The following ARHGAP8 variants were observed in gnomAD, a reference collection of about 807,000 sequenced individuals.
ARHGAP8 encodes the protein rho GTPase-activating protein 8.
In ARHGAP8, 62 loss-of-function variants were observed where a neutral mutation model predicts 46.1. The observed-to-expected ratio is 1.34, with a 90% CI of 1.10 to 1.66. The LOEUF is 1.66. Among genes scored for constraint, ARHGAP8 ranks in the 40% most tolerant of loss-of-function variants. The pLI, the probability that ARHGAP8 is intolerant of heterozygous loss-of-function variation, is 0.00. For synonymous variants in ARHGAP8, 375 were observed against 243.1 expected (o/e 1.54, Z -5.05); for missense variants, 923 against 568.4 (o/e 1.62, Z -6.34).
Position 44,862,349 on chromosome 22 carries a change from G to A in ARHGAP8, c.1056G>A (p.Trp352Ter). The change falls in exon 12 of 12, where the codon TGG becomes TGA. Residue 352 changes from tryptophan to a stop codon, truncating the protein, a stop_gained. Transcript: ENST00000356099. LOFTEE classifies it low-confidence loss of function (END_TRUNC). ...GTGTCTTCGGGCTGAATTTGATCTG[G>A]CCATCCCAGGGGGTCTCCTCCCTGA... is the stretch of plus-strand genomic sequence containing the variant. ...LACVFGLNLI[W>*]PSQGVSSLSA... 5.0e-6 allele frequency: 8 copies of A among 1,614,048 alleles called. No homozygotes were observed. The highest frequency in any genetic ancestry group is 5.9e-6 in the Non-Finnish European group (7 of 1,179,942).
intron 2 of ARHGAP8, among the ~76,000 whole-genome samples, chr22:44,798,557 G>A (rs141679277): frequency 9.9e-5 from 15 of 151,648 alleles, no homozygotes; most frequent in African/African-American, 3.6e-4. Context: ...GTAGGGCTGG[G>A]GTACTCTTCC....
In ARHGAP8 at chr22:44,848,984, C is replaced by A; in HGVS notation, c.801C>A (p.Ile267=). Residue 267 remains isoleucine, a synonymous_variant, in exon 10 of 12, where the codon ATC becomes ATA. Transcript: ENST00000356099. ...DYGDIHIPAV[I]LKTFLRELPQ... is the part of the protein sequence containing the mutation. ...GGGACATTCACATCCCTGCCGTGAT[C>A]CTGAAGACCTTCCTGCGAGAGCTGC... 2 of 1,614,146 alleles carry A rather than the reference C, an allele frequency of 1.2e-6. No homozygotes were observed. Among genetic ancestry groups the A allele is most frequent in the Non-Finnish European group, 1.7e-6 (2 of 1,180,038 alleles).
At chr22:44,809,558 T>C (rs769871652) in intron 4 of ARHGAP8, 5 of 226,508 alleles carry the variant, frequency 2.2e-5, no homozygotes, top group Admixed American at 1.1e-4. Context: ...AGCAAGTGAC[T>C]TACCCGTGGT....
At chr22:44,804,353 A>G (rs902925696) in intron 3 of ARHGAP8, among the ~76,000 whole-genome samples, 1 of 151,766 alleles carries the variant, frequency 6.6e-6, no homozygotes, top group Non-Finnish European at 1.5e-5. Context: ...TAGCGAGAGC[A>G]GCACCTCTGC....
chr22:44,833,473 T>C (rs1043954855), intron 7 of ARHGAP8, among the ~76,000 whole-genome samples: 1 of 152,222 alleles, frequency 6.6e-6, no homozygotes, highest in Non-Finnish European at 1.5e-5. Context: ...ATTATATTGA[T>C]TGATTTTTAC....
intron 2 of ARHGAP8, among the ~76,000 whole-genome samples, chr22:44,793,349 A>G (rs943248776): frequency 6.6e-6 from 1 of 152,082 alleles, no homozygotes; most frequent in Non-Finnish European, 1.5e-5. Flanking sequence ...GGTGAGTGGC[A>G]GGGGAGAGGG....
rs530857052 is a variant in ARHGAP8 at position 44,857,916 on chromosome 22, C to T, written c.878-1815C>T. Among the ~76,000 whole-genome samples the T allele has an allele frequency of 5.7e-5, 6 of 104,618 alleles. 1 individual carries two copies. In the East Asian group the frequency reaches 9.8e-4, roughly 17 times the overall value. The allele number at this position is 104,618 out of a possible 152,430, so 68.6% of individuals were successfully genotyped here. Reference sequence around the variant, plus strand: ...ACGCTCAGCTCACCAGTCCTGCCTACTTGCCAGCAGGTATTCTCAGAGGGA... The same window carrying T: ...ACGCTCAGCTCACCAGTCCTGCCTATTTGCCAGCAGGTATTCTCAGAGGGA... On this transcript the variant is annotated intron_variant, in intron 10 of 11. Coordinates refer to ENST00000356099, the MANE Select transcript of ARHGAP8 (RefSeq NM_181335.3).
At chr22:44,858,552 A>AT (rs1569184888) in intron 10 of ARHGAP8, among the ~76,000 whole-genome samples, 1 of 103,196 alleles carries the variant, frequency 9.7e-6, no homozygotes, top group Non-Finnish European at 2.0e-5. Flanking sequence ...TTTTTTTTTT[A>AT]AGTAACAGGG....
intron 6 of ARHGAP8, among the ~76,000 whole-genome samples, chr22:44,824,740 C>T (rs991186277): frequency 6.6e-6 from 1 of 150,878 alleles, no homozygotes; most frequent in South Asian, 2.1e-4. Context: ...TCAAGTGATT[C>T]TCCTACCTCA....
chr22:44,825,686 T>C, intron 7 of ARHGAP8, 93 bp downstream of exon 7: 1 of 1,409,582 alleles, frequency 7.1e-7, no homozygotes, highest in Non-Finnish European at 9.6e-7. Context: ...CCCAGACGTT[T>C]GTCTCCAGCA....
chr22:44,796,972 G>T (rs5765024), intron 2 of ARHGAP8, among the ~76,000 whole-genome samples: 1 of 152,178 alleles, frequency 6.6e-6, no homozygotes, highest in Non-Finnish European at 1.5e-5. Context: ...TAGATGATGG[G>T]TGTGGCTGCC....
chr22:44,839,857 G>A (rs899748454), intron 7 of ARHGAP8, among the ~76,000 whole-genome samples: 2 of 152,230 alleles, frequency 1.3e-5, no homozygotes, highest in African/African-American at 4.8e-5. Flanking sequence ...GGTGTTTGTG[G>A]AATTTGAGCA....
rs1929690793 is a variant in ARHGAP8, at chr22:44,815,716, C to A, written c.386+958C>A. On this transcript the variant is annotated intron_variant, in intron 5 of 11. Coordinates refer to ENST00000356099, the MANE Select transcript of ARHGAP8 (RefSeq NM_181335.3). ...TGTTCCTGCTAAAGGATTTCTGCCT[C>A]AGTATTGGGAAGCAAGAGCTCAAGG... 2.0e-5 allele frequency among the ~76,000 whole-genome samples: 3 copies of A among 152,154 alleles called. No individual in the cohort carries two copies. In the South Asian group the frequency reaches 6.2e-4, roughly 31 times the overall value.
chr22:44,862,753 T>G lies in ARHGAP8; in HGVS notation c.*158T>G. On this transcript the variant is annotated 3_prime_UTR_variant, in exon 12 of 12. Transcript: ENST00000356099. ...CCTCTGGTCCTTGGACTCTTGTCCATGGTTCCTGAGCTGTGGACCGGGATA... is the reference window on the plus strand; with the variant it reads ...CCTCTGGTCCTTGGACTCTTGTCCAGGGTTCCTGAGCTGTGGACCGGGATA... The G allele has an allele frequency of 2.2e-6, 2 of 900,062 alleles. No individual in the cohort carries two copies. Among genetic ancestry groups the G allele is most frequent in the Non-Finnish European group, 3.2e-6 (2 of 625,078 alleles). The allele number at this position is 900,062 out of a possible 1,614,324, so 55.8% of individuals were successfully genotyped here. A position where few individuals can be genotyped will look rare whatever the true frequency, so the allele number is the denominator to read the frequency against.
intron 7 of ARHGAP8, among the ~76,000 whole-genome samples, chr22:44,827,098 C>T (rs970194348): frequency 1.1e-4 from 16 of 152,040 alleles, no homozygotes; most frequent in Admixed American, 7.9e-4. Context: ...CCAAAGCAAT[C>T]GCCAGCGTCT....
chr22:44,813,206 A>T (rs1035027845), intron 4 of ARHGAP8, among the ~76,000 whole-genome samples: 9 of 151,964 alleles, frequency 5.9e-5, no homozygotes, highest in African/African-American at 2.2e-4. Flanking sequence ...AGGCCCTTTC[A>T]GTGGACAGAG....
intron 6 of ARHGAP8, 142 bp from the exon 7 acceptor site, chr22:44,825,341 G>C: frequency 1.3e-6 from 1 of 751,504 alleles, no homozygotes; most frequent in Non-Finnish European, 2.2e-6. Context: ...GAGTGTGTGT[G>C]TGAGCTGGCA....
At chr22:44,826,937 G>A (rs980877028) in intron 7 of ARHGAP8, among the ~76,000 whole-genome samples, 1 of 152,168 alleles carries the variant, frequency 6.6e-6, no homozygotes. Context: ...GGGAGGCCAG[G>A]GAGGGAGGCA....
chr22:44,851,768 GTT>G (rs2070099982), intron 10 of ARHGAP8, among the ~76,000 whole-genome samples: 1 of 152,146 alleles, frequency 6.6e-6, no homozygotes, highest in Non-Finnish European at 1.5e-5. Context: ...GAGCCTGGGA[GTT>G]GGAGGCTACA....
Sources: allele counts gnomAD v4.1 joint callset (sites outside exome capture counted in the v4.1 genomes callset), GRCh38; gene constraint gnomAD v4.1.1; transcripts MANE v1.5; gene names NCBI Gene and HGNC (gene_info 2026-07-23, HGNC 2026-07-21).